Variants in NTAQ1 observed in about 807,000 individuals in gnomAD.
NTAQ1 encodes protein N-terminal glutamine amidohydrolase.
A neutral mutation model predicts 28.2 loss-of-function variants in NTAQ1; 21 were observed. The observed-to-expected ratio is 0.74, with a 90% CI of 0.53 to 1.07. The LOEUF (loss-of-function observed/expected upper bound fraction) is 1.07, where lower values mean the gene tolerates loss of function less well. NTAQ1 is among the 50% of genes least tolerant of loss of function. NTAQ1 has a pLI of 0.00. For synonymous variants in NTAQ1, 105 were observed against 90.0 expected (o/e 1.17, Z -0.94); for missense variants, 264 against 256.6 (o/e 1.03, Z -0.20).
At chr8:123,456,004 T>C (rs1815640410) in intron 6 of NTAQ1, among the ~76,000 whole-genome samples, 1 of 152,100 alleles carries the variant, frequency 6.6e-6, no homozygotes, top group Non-Finnish European at 1.5e-5. Context: ...AGGCATCTGG[T>C]CAGGTGGGGG....
chr8:123,423,295 CTTTT>C (rs1813830317), intron 1 of NTAQ1, among the ~76,000 whole-genome samples: 1 of 52,718 alleles, frequency 1.9e-5, no homozygotes, highest in African/African-American at 6.2e-5. Flanking sequence ...TCCTTCTCTT[CTTTT>C]GTTTTCTCTT....
At chr8:123,416,755 C>G (rs1813313083), upstream of NTAQ1, 5 of 1,265,292 alleles carry the variant, frequency 4.0e-6, no homozygotes, top group Non-Finnish European at 5.2e-6. Context: ...CCACCCCACG[C>G]CGGGAACCCA....
intron 6 of NTAQ1, among the ~76,000 whole-genome samples, chr8:123,447,744 A>T (rs533828925): frequency 2.0e-5 from 3 of 152,244 alleles, no homozygotes; most frequent in African/African-American, 7.2e-5. Flanking sequence ...ATTTTATATA[A>T]TTTCATATAA....
intron 6 of NTAQ1, among the ~76,000 whole-genome samples, chr8:123,459,862 C>T (rs1200732539): frequency 1.4e-5 from 2 of 141,474 alleles, no homozygotes; most frequent in Admixed American, 7.7e-5. Flanking sequence ...AGTGCAATGG[C>T]ACGATCTCAG....
At chr8:123,423,300 G>A (rs1813830916) in intron 1 of NTAQ1, among the ~76,000 whole-genome samples, 1 of 28,156 alleles carries the variant, frequency 3.6e-5, no homozygotes, top group African/African-American at 1.0e-4. Context: ...CTCTTCTTTT[G>A]TTTTCTCTTC....
intron 1 of NTAQ1, among the ~76,000 whole-genome samples, chr8:123,426,710 A>G (rs976666867): frequency 6.6e-6 from 1 of 152,150 alleles, no homozygotes; most frequent in Non-Finnish European, 1.5e-5. Flanking sequence ...CTGTAATCCC[A>G]GCACTTTGGG....
downstream of NTAQ1, among the ~76,000 whole-genome samples, chr8:123,445,273 A>AC (rs145454036): frequency 4.5e-3 from 656 of 144,414 alleles, 6 homozygotes; most frequent in African/African-American, 0.016. Context: ...TTGTTTCCCC[A>AC]CCCCCCCGAC....
chr8:123,471,752 A>G (rs368590732), downstream of NTAQ1, among the ~76,000 whole-genome samples: 12 of 152,266 alleles, frequency 7.9e-5, no homozygotes, highest in East Asian at 2.1e-3. Context: ...ACCTTCAATG[A>G]TTGGATGAGG....
chr8:123,423,169 C>G (rs745945697), intron 1 of NTAQ1, among the ~76,000 whole-genome samples: 2 of 151,952 alleles, frequency 1.3e-5, no homozygotes, highest in African/African-American at 4.8e-5. Flanking sequence ...ATAGTTTCTT[C>G]TAATTCTTCC....
At chr8:123,440,039 CTTT>C (rs909474113) in intron 5 of NTAQ1, among the ~76,000 whole-genome samples, 1 of 134,504 alleles carries the variant, frequency 7.4e-6, no homozygotes, top group Admixed American at 7.6e-5. Context: ...GGAATTGACT[CTTT>C]TTTTTTTTTA....
chr8:123,424,827 T>A (rs1011864251), intron 1 of NTAQ1, among the ~76,000 whole-genome samples: 2 of 152,212 alleles, frequency 1.3e-5, no homozygotes, highest in Admixed American at 1.3e-4. Context: ...GCATCTTTTA[T>A]GGCCTTCTAT....
At chr8:123,459,001 C>T (rs113187059) in intron 6 of NTAQ1, among the ~76,000 whole-genome samples, 1 of 151,844 alleles carries the variant, frequency 6.6e-6, no homozygotes, top group East Asian at 2.0e-4. Flanking sequence ...TTGCTTGAAC[C>T]CAGGGGGCGG....
At chr8:123,419,916 C>T (rs913005255) in intron 1 of NTAQ1, among the ~76,000 whole-genome samples, 41 of 151,680 alleles carry the variant, frequency 2.7e-4, no homozygotes, top group Admixed American at 2.3e-3. Context: ...GTTTTTTTCC[C>T]TTCCAACTTT....
rs917221315 is a variant in NTAQ1, at chr8:123,421,205, C to T, written c.83+4273C>T. 2.7e-5 allele frequency among the ~76,000 whole-genome samples: 4 copies of T among 150,738 alleles called. No individual in the cohort carries two copies. In the South Asian group the frequency reaches 6.3e-4, roughly 24 times the overall value. ...AATCAATTCTCCCACTTCAGTCTCC[C>T]GAGTAACTGGGGCTACAGGTGTGCA... On this transcript the variant is annotated intron_variant, in intron 1 of 5. Transcript: ENST00000287387.
chr8:123,421,486 A>G (rs1813686410), intron 1 of NTAQ1, among the ~76,000 whole-genome samples: 1 of 147,502 alleles, frequency 6.8e-6, no homozygotes. Flanking sequence ...TCATATGCTT[A>G]TTGGCCATGT....
downstream of NTAQ1, among the ~76,000 whole-genome samples, chr8:123,445,758 A>T (rs1815254995): frequency 6.6e-6 from 1 of 150,900 alleles, no homozygotes; most frequent in African/African-American, 2.4e-5. Context: ...GGCGTGCACC[A>T]CCACACTTGG....
chr8:123,445,261 T>C (rs1424041677), downstream of NTAQ1, among the ~76,000 whole-genome samples: 2 of 152,052 alleles, frequency 1.3e-5, no homozygotes, highest in Non-Finnish European at 1.5e-5. Flanking sequence ...ATATATTAAA[T>C]TTTGTTTCCC....
At chr8:123,468,111 A>G (rs1234394635) in exon 7 of NTAQ1, among the ~76,000 whole-genome samples, 2 of 152,216 alleles carry the variant, frequency 1.3e-5, no homozygotes, top group Non-Finnish European at 2.9e-5. Context: ...GAGTTGGGAA[A>G]GGGCCTCAGG....
intron 6 of NTAQ1, among the ~76,000 whole-genome samples, chr8:123,454,474 TCTC>T (rs1410397499): frequency 5.9e-5 from 9 of 152,080 alleles, no homozygotes; most frequent in Non-Finnish European, 1.2e-4. Context: ...TTCAAGCAAT[TCTC>T]CTGCCCCAGC....
Sources: gnomAD v4.1 joint callset for allele counts (sites outside exome capture counted in the v4.1 genomes callset) on GRCh38, gnomAD v4.1.1 for gene constraint, MANE v1.5 for transcripts, NCBI Gene and HGNC (gene_info 2026-07-23, HGNC 2026-07-21) for gene names.